Variants in FLNA observed in about 807,000 individuals in gnomAD.
The protein encoded by FLNA is filamin-A.
In FLNA, 7 loss-of-function variants were observed where a neutral mutation model predicts 157.6. The observed-to-expected ratio is 0.04, with a 90% CI of 0.03 to 0.08. The LOEUF is 0.08. Among genes scored for constraint, FLNA ranks in the 10% least tolerant of loss-of-function variants. The probability of loss-of-function intolerance (pLI) is 1.00; values close to 1 mark genes in which losing one functional copy is unlikely to be tolerated. For synonymous variants in FLNA, 1,103 were observed against 1,060.8 expected (o/e 1.04, Z -0.77); for missense variants, 1,750 against 2,398.4 (o/e 0.73, Z 5.65).
intron 42 of FLNA, 82 bp downstream of exon 42, chrX:154,351,802 G>A (rs1228107226): frequency 8.6e-7 from 1 of 1,157,535 alleles, no homozygotes; most frequent in Non-Finnish European, 1.2e-6. Context: ...GTGAGTGCCA[G>A]GCAGGGCTAT....
chrX:154,352,692 C>T lies in FLNA; in HGVS notation c.6380-17G>A, dbSNP rs200764111. The T allele has an allele frequency of 8.7e-5, 105 of 1,210,953 alleles. No homozygotes were observed. The East Asian group carries it at 2.3e-3, about 26-fold the overall frequency. ...AGGGGCTGCCTGCAGGAAGAAAGCA[C>T]GGCCCACGCCCCTCCAGTCACATAC... On this transcript the variant is annotated splice_polypyrimidine_tract_variant and intron_variant, in intron 39 of 47. Coordinates refer to ENST00000369850, the MANE Select transcript of FLNA (RefSeq NM_001110556.2).
intron 11 of FLNA, 44 bp from the exon 12 acceptor site, chrX:154,365,001 A>G (rs782381023): frequency 2.5e-6 from 3 of 1,209,293 alleles, no homozygotes; most frequent in Admixed American, 4.3e-5. Flanking sequence ...GGATCACCAC[A>G]TGAGCCAGCG....
chrX:154,349,831 G>A lies in FLNA; in HGVS notation c.7370C>T (p.Ala2457Val), dbSNP rs1557175391. 7 of 1,211,285 alleles carry A rather than the reference G, an allele frequency of 5.8e-6. No homozygotes were observed. Among genetic ancestry groups the A allele is most frequent in the Admixed American group, 2.2e-5 (1 of 46,116 alleles). ...PAEFVVNTSNAGAGALSVTID... is the reference protein window; with the variant it reads ...PAEFVVNTSNVGAGALSVTID... ...GGTCACCGACAGGGCACCAGCTCCC[G>A]CATTGCTCGTGTTCACGACGAACTC... Residue 2457 changes from alanine (A) to valine (V), a missense_variant, in exon 46 of 48, where the codon GCG becomes GTG. Ala to Val is a moderately conservative substitution (Grantham distance 64, BLOSUM62 0). Transcript: ENST00000369850.
Position 154,349,809 on chromosome X carries a change from C to G in FLNA, c.7392G>C (p.Val2464=), listed in dbSNP as rs2067605014. The change falls in exon 46 of 48, where the codon GTG becomes GTC. Residue 2464 remains valine, a synonymous_variant. Coordinates refer to ENST00000369850, the MANE Select transcript of FLNA (RefSeq NM_001110556.2). ...TSNAGAGALS[V]TIDGPSKVKM... ...TCACCTTGGAGGGGCCGTCAATGGTCACCGACAGGGCACCAGCTCCCGCAT... is the reference window on the plus strand; with the variant it reads ...TCACCTTGGAGGGGCCGTCAATGGTGACCGACAGGGCACCAGCTCCCGCAT... 4.1e-6 allele frequency: 5 copies of G among 1,211,686 alleles called. No homozygotes were observed. The highest frequency in any genetic ancestry group is 5.6e-6 in the Non-Finnish European group (5 of 895,453).
chrX:154,354,981 G>A lies in FLNA; in HGVS notation c.5061C>T (p.Thr1687=), dbSNP rs781841607. 21 of 1,210,617 alleles carry A rather than the reference G, an allele frequency of 1.7e-5. No homozygotes were observed. The highest frequency in any genetic ancestry group is 2.3e-4 in the Middle Eastern group (1 of 4,375). Residue 1687 remains threonine, a synonymous_variant, in exon 31 of 48, where the codon ACC becomes ACT. Transcript: ENST00000369850. ...KAAGKGKVTC[T]VCTPDGSEVD... ...CCTCTGAGCCATCAGGCGTGCACAC[G>A]GTGCACGTCACTTTGCCTTTGCCTG...
At chrX:154,372,199 A>G (rs2067813735) in intron 1 of FLNA, among the ~76,000 whole-genome samples, 1 of 113,399 alleles carries the variant, frequency 8.8e-6, no homozygotes, top group Admixed American at 9.2e-5. Flanking sequence ...GGGCGCGGGC[A>G]GAGGGCGCCG....
intron 14 of FLNA, 23 bp downstream of exon 14, chrX:154,364,233 GCCC>G: frequency 8.3e-7 from 1 of 1,207,755 alleles, no homozygotes; most frequent in Non-Finnish European, 1.1e-6. Flanking sequence ...CACCTGCCCT[GCCC>G]CCAACACCCG....
intron 2 of FLNA, 148 bp downstream of exon 2, chrX:154,370,725 G>A: frequency 1.6e-6 from 1 of 627,933 alleles, no homozygotes; most frequent in Non-Finnish European, 2.4e-6. Context: ...CCTTTGTTCT[G>A]CAGGCCCGCG....
At chrX:154,351,843 TCAGG>T (rs781902894) in intron 42 of FLNA, 37 bp downstream of exon 42, 1 of 1,205,566 alleles carries the variant, frequency 8.3e-7, no homozygotes, top group Admixed American at 2.2e-5. Context: ...ATACCCACAC[TCAGG>T]CCCCACCTCC....
Position 154,349,536 on chromosome X carries a change from G to A in FLNA, c.7582C>T (p.His2528Tyr), listed in dbSNP as rs1361523281. ...TCTACAAACACTGATGATGTCTCGT[G>A]GAGGCTGTGGTTGCTGACGAGACGG... ...GPRLVSNHSLHETSSVFVDSL... is the reference protein window; with the variant it reads ...GPRLVSNHSLYETSSVFVDSL... The change falls in exon 47 of 48, where the codon CAC becomes TAC. Residue 2528 changes from histidine (H) to tyrosine (Y), a missense_variant. Transcript: ENST00000369850. 1 of 1,211,522 alleles carries A rather than the reference G, an allele frequency of 8.3e-7. No individual in the cohort carries two copies. Among genetic ancestry groups the A allele is most frequent in the Non-Finnish European group, 1.1e-6 (1 of 895,423 alleles).
At chrX:154,369,952 C>T (rs782816237) in intron 2 of FLNA, among the ~76,000 whole-genome samples, 2 of 111,990 alleles carry the variant, frequency 1.8e-5, no homozygotes, top group South Asian at 7.4e-4. Flanking sequence ...GAAGAGAAGA[C>T]TCATCATCCC....
chrX:154,353,224 G>A lies in FLNA; in HGVS notation c.6023-20C>T. 1 of 1,210,402 alleles carries A rather than the reference G, an allele frequency of 8.3e-7. No homozygotes were observed. Among genetic ancestry groups the A allele is most frequent in the Non-Finnish European group, 1.1e-6 (1 of 894,262 alleles). On this transcript the variant is annotated intron_variant, in intron 37 of 47. Coordinates refer to ENST00000369850, the MANE Select transcript of FLNA (RefSeq NM_001110556.2). ...AAATCCCTGGACACAGGGCATGGCTGTCAGTCAGGGAGGGCATGGCTCCCC... is the reference window on the plus strand; with the variant it reads ...AAATCCCTGGACACAGGGCATGGCTATCAGTCAGGGAGGGCATGGCTCCCC...
intron 20 of FLNA, 23 bp downstream of exon 20, chrX:154,361,647 C>A (rs41302180): frequency 1.5e-5 from 18 of 1,199,850 alleles, no homozygotes; most frequent in Non-Finnish European, 1.9e-5. Flanking sequence ...AAGGCCTTTG[C>A]GACAAGGGCC....
In FLNA at chrX:154,361,428, A is replaced by T; in HGVS notation, c.3087T>A (p.Ser1029Arg). The change falls in exon 21 of 48, where the codon AGT becomes AGA. Residue 1029 changes from serine to arginine, a missense_variant. Ser to Arg is a moderately radical substitution (Grantham distance 110). Transcript: ENST00000369850. ...CCTCACGGGGCAGGAAGCGCACCAC[A>T]CTGTTGTCAGCCCCCAGGCCTGGCT... ...KVEPGLGADN[S>R]VVRFLPREEG... is the part of the protein sequence containing the mutation. 8.3e-7 allele frequency: 1 copy of T among 1,210,562 alleles called. No homozygotes were observed.
chrX:154,371,248 T>C lies in FLNA; in HGVS notation c.-3A>G. The C allele has an allele frequency of 1.7e-6, 2 of 1,201,011 alleles. No homozygotes were observed. The highest frequency in any genetic ancestry group is 2.2e-6 in the Non-Finnish European group (2 of 892,029). Reference sequence around the variant, plus strand: ...GCCCGAGAGTGGGAGCTACTCATTTTGAGGCGCGAGAAGCCGGGGGGGCGG... The same window carrying C: ...GCCCGAGAGTGGGAGCTACTCATTTCGAGGCGCGAGAAGCCGGGGGGGCGG... On this transcript the variant is annotated 5_prime_UTR_variant, in exon 2 of 48. Coordinates refer to ENST00000369850, the MANE Select transcript of FLNA (RefSeq NM_001110556.2).
rs200227077 is a variant in FLNA at position 154,364,292 on chromosome X, G to A, written c.2103C>T (p.His701=). 2.1e-4 allele frequency: 253 copies of A among 1,209,406 alleles called. No homozygotes were observed. The highest frequency in any genetic ancestry group is 2.7e-4 in the Non-Finnish European group (240 of 894,956). ...GGACCCGAAGTGGGGCCTTGCCACC[G>A]TGCTTGGCATCCACTGTGAACTCTG... The part of the protein sequence containing the change: ...KPAEFTVDAK[H]GGKAPLRVQV... Residue 701 remains histidine, a synonymous_variant, in exon 14 of 48, where the codon CAC becomes CAT. Coordinates refer to ENST00000369850, the MANE Select transcript of FLNA (RefSeq NM_001110556.2).
Position 154,359,602 on chromosome X carries a change from T to C in FLNA, c.4024A>G (p.Ser1342Gly), listed in dbSNP as rs1391931551. The C allele has an allele frequency of 5.0e-6, 6 of 1,209,361 alleles. No homozygotes were observed. Among genetic ancestry groups the C allele is most frequent in the East Asian group, 3.0e-5 (1 of 33,754 alleles). ...DVTYDGSPVP[S>G]SPFQVPVTEG... ...GTCACGGGCACCTGGAAGGGGCTGC[T>C]GGGCACGGGACTGCCGTCATAGGTC... is the stretch of plus-strand genomic sequence containing the variant. The change falls in exon 24 of 48, where the codon AGC becomes GGC. Residue 1342 changes from serine to glycine, a missense_variant. This residue lies in a region of FLNA where 970 missense variants were observed against 1,302.6 expected (regional missense o/e 0.74). Coordinates refer to ENST00000369850, the MANE Select transcript of FLNA (RefSeq NM_001110556.2).
Position 154,352,854 on chromosome X carries a change from G to A in FLNA, c.6297C>T (p.Asp2099=), listed in dbSNP as rs377571943. Residue 2099 remains aspartate (D), a synonymous_variant, in exon 39 of 48, where the codon GAC becomes GAT. Transcript: ENST00000369850. ...KVDINTEDLE[D]GTCRVTYCPT... The stretch of plus-strand genomic sequence containing the variant: ...GGCAGTAGGTGACCCTGCACGTCCC[G>A]TCCTCCAGGTCCTCTGTGTTGATGT... 4.1e-6 allele frequency: 5 copies of A among 1,209,900 alleles called. No individual in the cohort carries two copies. The East Asian group carries it at 8.9e-5, about 21-fold the overall frequency.
chrX:154,366,094 G>A lies in FLNA; in HGVS notation c.1359C>T (p.Val453=), dbSNP rs781810182. The A allele has an allele frequency of 9.1e-6, 11 of 1,209,110 alleles. No homozygotes were observed. In the South Asian group the frequency reaches 1.6e-4, roughly 17 times the overall value. Residue 453 remains valine, a synonymous_variant, in exon 9 of 48, where the codon GTC becomes GTT. Transcript: ENST00000369850. ...RCSYQPTMEG[V]HTVHVTFAGV... is the part of the protein sequence containing the mutation. The stretch of plus-strand genomic sequence containing the variant: ...CGGCAAACGTGACGTGCACGGTGTG[G>A]ACGCCCTCCATGGTGGGCTGGTAGC...
Sources: gnomAD v4.1 joint callset for allele counts (sites outside exome capture counted in the v4.1 genomes callset) on GRCh38, gnomAD v4.1.1 for gene constraint, gnomAD v4.1.1 regional missense constraint, MANE v1.5 for transcripts, NCBI Gene and HGNC (gene_info 2026-07-23, HGNC 2026-07-21) for gene names.